The following MYH9 variants were observed in gnomAD, a reference collection of about 807,000 sequenced individuals.
MYH9 encodes the protein myosin heavy chain 9.
In MYH9, 29 loss-of-function variants were observed where a neutral mutation model predicts 241.9. The observed-to-expected ratio is 0.12, with a 90% CI of 0.09 to 0.16. MYH9 has a LOEUF of 0.16. Ranked by LOEUF, MYH9 falls within the 10% of genes least tolerant of loss-of-function variation. The pLI is 1.00. For missense variants in MYH9, 1,803 were observed against 2,595.5 expected, an observed-to-expected ratio of 0.69 and a Z score of 6.63; for synonymous variants, 1,047 against 1,062.6, an observed-to-expected ratio of 0.99 and a Z score of 0.29.
chr22:36,340,650 G>A lies in MYH9; in HGVS notation c.490+720C>T, dbSNP rs147832705. The stretch of plus-strand genomic sequence containing the variant: ...CACACTCCAGCCTGGGTGACAGAAC[G>A]AGATTCCGTCTCAAAAAAAAAAAAA... On this transcript the variant is annotated intron_variant, in intron 3 of 40. Transcript: ENST00000216181. 3.5e-3 allele frequency among the ~76,000 whole-genome samples: 516 copies of A among 149,562 alleles called. 2 individuals carry two copies. Among genetic ancestry groups the A allele is most frequent in the African/African-American group, 0.012 (490 of 40,398 alleles).
intron 40 of MYH9, among the ~76,000 whole-genome samples, chr22:36,283,557 AAT>A (rs1205455005): frequency 1.3e-5 from 2 of 151,872 alleles, no homozygotes; most frequent in Non-Finnish European, 2.9e-5. Context: ...AAACAAAAAA[AAT>A]AAAAAAAACA....
chr22:36,284,914 A>T (rs540552575), intron 38 of MYH9, among the ~76,000 whole-genome samples: 4 of 152,284 alleles, frequency 2.6e-5, no homozygotes, highest in Non-Finnish European at 5.9e-5. Context: ...CTGGCTTTAG[A>T]GGTGGAACAG....
At chr22:36,361,660 A>C (rs2017937608) in intron 1 of MYH9, among the ~76,000 whole-genome samples, 1 of 152,222 alleles carries the variant, frequency 6.6e-6, no homozygotes, top group Admixed American at 6.5e-5. Context: ...AGCTTGGGAC[A>C]GGCTGGAGGA....
chr22:36,387,572 T>C (rs1396618313), intron 1 of MYH9, among the ~76,000 whole-genome samples: 1 of 151,600 alleles, frequency 6.6e-6, no homozygotes, highest in Non-Finnish European at 1.5e-5. Context: ...AGGCCGCCCC[T>C]GCACCCCTAG....
rs1008380545 is a variant in MYH9 at position 36,300,622 on chromosome 22, T to C, written c.2838+229A>G. ...AGGGCCAGGGCTAATGGCAGGGAAA[T>C]CAAATTGGCCTTGATGCTGGCCCAG... On this transcript the variant is annotated intron_variant, in intron 22 of 40. Coordinates refer to ENST00000216181, the MANE Select transcript of MYH9 (RefSeq NM_002473.6). The surrounding 1 kb of genome is among the most constrained non-coding windows in gnomAD (Gnocchi z 5.0). Among the ~76,000 whole-genome samples the C allele has an allele frequency of 1.3e-5, 2 of 152,120 alleles. No homozygotes were observed. Among genetic ancestry groups the C allele is most frequent in the East Asian group, 3.9e-4 (2 of 5,164 alleles).
intron 24 of MYH9, among the ~76,000 whole-genome samples, chr22:36,298,329 C>A (rs1042911592): frequency 2.0e-5 from 3 of 152,110 alleles, no homozygotes; most frequent in Admixed American, 6.5e-5. Context: ...CCCAGCACCC[C>A]CTCCCTGCCA....
intron 24 of MYH9, among the ~76,000 whole-genome samples, 190 bp downstream of exon 24, chr22:36,298,729 A>G (rs532890432): frequency 3.8e-4 from 58 of 152,314 alleles, no homozygotes; most frequent in Non-Finnish European, 4.4e-4. Flanking sequence ...AGGTTCCCGC[A>G]GGCACCAGAC....
At chr22:36,299,228 C>A (rs528618454) in intron 23 of MYH9, among the ~76,000 whole-genome samples, 186 bp from the exon 24 acceptor site, 1 of 152,166 alleles carries the variant, frequency 6.6e-6, no homozygotes, top group African/African-American at 2.4e-5. Context: ...CCTGAAACAG[C>A]GAGGTACGCT....
intron 1 of MYH9, among the ~76,000 whole-genome samples, chr22:36,376,513 G>A (rs1430196169): frequency 1.3e-5 from 2 of 152,180 alleles, no homozygotes; most frequent in Non-Finnish European, 1.5e-5. Context: ...CATCGCTGCT[G>A]AGCCCCACCA....
intron 1 of MYH9, among the ~76,000 whole-genome samples, chr22:36,353,242 G>A (rs2017800561): frequency 1.3e-5 from 2 of 152,148 alleles, no homozygotes; most frequent in Non-Finnish European, 2.9e-5. Flanking sequence ...ATAGTAAAGA[G>A]CTGCTAAAAA....
chr22:36,312,253 G>A, intron 13 of MYH9, 31 bp from the exon 14 acceptor site: 4 of 1,612,388 alleles, frequency 2.5e-6, no homozygotes, highest in Non-Finnish European at 3.4e-6. Flanking sequence ...GCACAGGTGA[G>A]TGCACCCTGG....
chr22:36,304,917 GAC>G, intron 18 of MYH9, 114 bp downstream of exon 18: 1 of 1,047,734 alleles, frequency 9.5e-7, no homozygotes. Context: ...CATCAGAAGG[GAC>G]ACAGCCTGGG....
intron 1 of MYH9, among the ~76,000 whole-genome samples, chr22:36,371,060 C>G (rs1603484506): frequency 6.6e-6 from 1 of 152,202 alleles, no homozygotes; most frequent in Non-Finnish European, 1.5e-5. Context: ...GCTCCTCCCC[C>G]AGATCTGAAG....
intron 1 of MYH9, among the ~76,000 whole-genome samples, chr22:36,369,979 GTAACGTGATATAAA>G (rs1333592469): frequency 2.6e-5 from 4 of 152,260 alleles, no homozygotes; most frequent in Non-Finnish European, 5.9e-5. Flanking sequence ...TTTAACCTTT[GTAACGTGATATAAA>G]AAATAGACTG....
Position 36,318,109 on chromosome 22 carries a change from C to T in MYH9, c.1227+98G>A, listed in dbSNP as rs1389529889. ...CATGGAATCATGTGAAAGTGCCTGA[C>T]ACGGACACCCCAGGATGGCCCACAA... On this transcript the variant is annotated intron_variant, in intron 11 of 40. Coordinates refer to ENST00000216181, the MANE Select transcript of MYH9 (RefSeq NM_002473.6). The T allele has an allele frequency of 1.0e-5, 11 of 1,051,326 alleles. No individual in the cohort carries two copies. The East Asian group carries it at 2.1e-4, about 20-fold the overall frequency. 65.1% of individuals were successfully genotyped at this position (1,051,326 alleles called of 1,614,324 possible).
intron 3 of MYH9, 128 bp from the exon 4 acceptor site, chr22:36,327,616 G>A (rs114375757): frequency 3.1e-5 from 34 of 1,103,310 alleles, no homozygotes; most frequent in South Asian, 7.9e-5. Flanking sequence ...TGGGGATCTC[G>A]CAGTCTACCC....
intron 18 of MYH9, 33 bp from the exon 19 acceptor site, chr22:36,304,188 A>G (rs750937594): frequency 3.7e-6 from 6 of 1,612,328 alleles, no homozygotes; most frequent in Non-Finnish European, 5.1e-6. Flanking sequence ...TTACCTGGCC[A>G]GCAACTGGCC....
chr22:36,283,928 C>T (rs2016534910), intron 40 of MYH9, among the ~76,000 whole-genome samples, 165 bp downstream of exon 40: 2 of 152,226 alleles, frequency 1.3e-5, no homozygotes, highest in South Asian at 2.1e-4. Flanking sequence ...GTGTTCAAAA[C>T]ACTAAGCTAA....
chr22:36,336,224 C>T (rs2017496215), intron 3 of MYH9, among the ~76,000 whole-genome samples: 1 of 152,226 alleles, frequency 6.6e-6, no homozygotes, highest in Non-Finnish European at 1.5e-5. Flanking sequence ...ATAGAAGGGG[C>T]TTTTTCTACT....
Sources: gnomAD v4.1 joint callset for allele counts (sites outside exome capture counted in the v4.1 genomes callset) on GRCh38, gnomAD v4.1.1 for gene constraint, Gnocchi (gnomAD v3.1) non-coding constraint, MANE v1.5 for transcripts, NCBI Gene and HGNC (gene_info 2026-07-23, HGNC 2026-07-21) for gene names.